Variants in TMEM266 observed in about 807,000 individuals in gnomAD.
TMEM266 encodes transmembrane protein 266.
A neutral mutation model predicts 50.5 loss-of-function variants in TMEM266; 33 were observed. The ratio of observed to expected loss-of-function variants is 0.65; its 90% CI spans 0.50 to 0.87. TMEM266 has a LOEUF of 0.87. TMEM266 is among the 40% of genes least tolerant of loss of function. The probability of loss-of-function intolerance (pLI) is 0.00; values close to 1 mark genes in which losing one functional copy is unlikely to be tolerated. For missense variants in TMEM266, 655 were observed against 695.1 expected (o/e 0.94, Z 0.65); for synonymous variants, 310 against 292.3 (o/e 1.06, Z -0.62).
At chr15:76,145,472 G>A (rs975913932) in intron 3 of TMEM266, among the ~76,000 whole-genome samples, 3 of 152,182 alleles carry the variant, frequency 2.0e-5, no homozygotes, top group Non-Finnish European at 4.4e-5. Context: ...GAGCAACAAA[G>A]AACTTTCCCA....
chr15:76,196,938 T>G (rs2038665338), intron 9 of TMEM266, among the ~76,000 whole-genome samples: 1 of 152,206 alleles, frequency 6.6e-6, no homozygotes, highest in Non-Finnish European at 1.5e-5. Context: ...TCTCCCAAAT[T>G]TATTAGTCTT....
chr15:76,114,571 T>A (rs1320005161), intron 1 of TMEM266, among the ~76,000 whole-genome samples: 2 of 152,202 alleles, frequency 1.3e-5, no homozygotes, highest in African/African-American at 4.8e-5. Context: ...CACTATATTG[T>A]TTTGTTTTGC....
chr15:76,091,407 G>A (rs549021356), intron 1 of TMEM266, among the ~76,000 whole-genome samples: 2 of 152,052 alleles, frequency 1.3e-5, no homozygotes, highest in East Asian at 3.9e-4. Context: ...TTTAAGGGCC[G>A]GGAGTGGTGG....
intron 1 of TMEM266, among the ~76,000 whole-genome samples, chr15:76,103,370 G>A (rs2037033624): frequency 6.6e-6 from 1 of 151,476 alleles, no homozygotes; most frequent in Non-Finnish European, 1.5e-5. Context: ...TCATGGTGGT[G>A]TGTGCCTGTA....
Position 76,139,610 on chromosome 15 carries a change from A to G in TMEM266, c.227+1715A>G, listed in dbSNP as rs866846972. On this transcript the variant is annotated intron_variant, in intron 3 of 10. Coordinates refer to ENST00000388942, the MANE Select transcript of TMEM266 (RefSeq NM_152335.3). The surrounding 1 kb of genome is among the most constrained non-coding windows in gnomAD (Gnocchi z 4.1). ...CCCACATTTTCACTGGGCTCTGCAA[A>G]TGATGTAGCTGGTGGGTCCTTCTCT... 6.6e-6 allele frequency among the ~76,000 whole-genome samples: 1 copy of G among 152,178 alleles called. No homozygotes were observed. The highest frequency in any genetic ancestry group is 2.4e-5 in the African/African-American group (1 of 41,442).
intron 1 of TMEM266, among the ~76,000 whole-genome samples, chr15:76,095,501 C>T (rs1301266557): frequency 6.6e-6 from 1 of 152,020 alleles, no homozygotes; most frequent in Admixed American, 6.6e-5. Context: ...TGATGTGCTG[C>T]TGGATTCAGT....
At chr15:76,115,082 G>C (rs1055832587) in intron 1 of TMEM266, among the ~76,000 whole-genome samples, 2 of 152,164 alleles carry the variant, frequency 1.3e-5, no homozygotes, top group African/African-American at 4.8e-5. Flanking sequence ...ACCAGCCTGG[G>C]CAACATAGTG....
chr15:76,106,111 C>T (rs2037075985), intron 1 of TMEM266, among the ~76,000 whole-genome samples: 1 of 152,146 alleles, frequency 6.6e-6, no homozygotes, highest in Non-Finnish European at 1.5e-5. Flanking sequence ...CTGTGTTCAT[C>T]CTCCCTCTGC....
chr15:76,190,722 A>G (rs1396490868), intron 8 of TMEM266, among the ~76,000 whole-genome samples: 2 of 152,090 alleles, frequency 1.3e-5, no homozygotes, highest in Non-Finnish European at 2.9e-5. Flanking sequence ...GACCAGATTG[A>G]TTTTGCAACT....
At position 76,201,043 on chromosome 15, in the gene TMEM266, T is replaced by A. The variant is rs188169399; in HGVS notation, c.959-1159T>A. ...TGACCCCATTCTTCAGAGAAGCTCC[T>A]GGGGGTGCAGACTCGGACTCTAGGG... is the stretch of plus-strand genomic sequence containing the variant. On this transcript the variant is annotated intron_variant, in intron 9 of 10. Transcript: ENST00000388942. Among the ~76,000 whole-genome samples the A allele has an allele frequency of 2.6e-4, 39 of 152,180 alleles. No homozygotes were observed. In the East Asian group the frequency reaches 5.4e-3, roughly 21 times the overall value.
At chr15:76,130,247 AAAAAAAAC>A (rs2037487240) in intron 1 of TMEM266, among the ~76,000 whole-genome samples, 3 of 93,490 alleles carry the variant, frequency 3.2e-5, no homozygotes, top group Non-Finnish European at 5.8e-5. Context: ...AAAAAAAAAA[AAAAAAAAC>A]CGCCGGGTGC....
intron 3 of TMEM266, among the ~76,000 whole-genome samples, chr15:76,152,589 C>T (rs2037861084): frequency 6.6e-6 from 1 of 152,190 alleles, no homozygotes; most frequent in Admixed American, 6.5e-5. Context: ...ACTGGAGGTA[C>T]TTCGGGGCTG....
chr15:76,159,391 C>T (rs1386779002), intron 4 of TMEM266, among the ~76,000 whole-genome samples: 2 of 152,244 alleles, frequency 1.3e-5, no homozygotes, highest in South Asian at 2.1e-4. Context: ...AAAGGTGGGG[C>T]GGGAACCCTC....
At chr15:76,200,342 C>T (rs1405869827) in intron 9 of TMEM266, among the ~76,000 whole-genome samples, 1 of 152,194 alleles carries the variant, frequency 6.6e-6, no homozygotes, top group African/African-American at 2.4e-5. Context: ...GAACCATCTG[C>T]CTGGCCCCAT....
At chr15:76,159,894 T>C (rs2037989931) in intron 4 of TMEM266, among the ~76,000 whole-genome samples, 1 of 152,100 alleles carries the variant, frequency 6.6e-6, no homozygotes, top group Non-Finnish European at 1.5e-5. Flanking sequence ...AACAGCATCG[T>C]TGGCTCCCAA....
chr15:76,115,241 CT>C (rs1292748151), intron 1 of TMEM266, among the ~76,000 whole-genome samples: 3 of 152,168 alleles, frequency 2.0e-5, no homozygotes, highest in African/African-American at 7.2e-5. Context: ...CCATCCAGAC[CT>C]TTCAGACGAT....
In TMEM266 at chr15:76,134,411, G is replaced by C. The variant is rs1167923829; in HGVS notation, c.38+110G>C. On this transcript the variant is annotated intron_variant, in intron 2 of 10. Coordinates refer to ENST00000388942, the MANE Select transcript of TMEM266 (RefSeq NM_152335.3). Reference sequence around the variant, plus strand: ...CCACTATGTACATTTCCTTTAGCAGGAGGCCACAGAAAATGGAGAAACCTT... The same window carrying C: ...CCACTATGTACATTTCCTTTAGCAGCAGGCCACAGAAAATGGAGAAACCTT... The C allele has an allele frequency of 2.6e-6, 3 of 1,136,130 alleles. No individual in the cohort carries two copies. In the East Asian group the frequency reaches 7.8e-5, roughly 30 times the overall value. 70.4% of individuals were successfully genotyped at this position (1,136,130 alleles called of 1,614,324 possible).
intron 1 of TMEM266, among the ~76,000 whole-genome samples, chr15:76,122,402 T>G (rs1414432901): frequency 6.6e-6 from 1 of 152,232 alleles, no homozygotes; most frequent in African/African-American, 2.4e-5. Context: ...GGGATCTTTT[T>G]TTTACAATCT....
intron 7 of TMEM266, 36 bp downstream of exon 7, chr15:76,171,167 G>A (rs754929420): frequency 3.7e-6 from 6 of 1,604,464 alleles, no homozygotes; most frequent in Non-Finnish European, 4.3e-6. Flanking sequence ...CAGTGGGGCT[G>A]CTCCAGAAAG....
Sources: gnomAD v4.1 joint callset for allele counts (sites outside exome capture counted in the v4.1 genomes callset) on GRCh38, gnomAD v4.1.1 for gene constraint, Gnocchi (gnomAD v3.1) non-coding constraint, MANE v1.5 for transcripts, NCBI Gene and HGNC (gene_info 2026-07-23, HGNC 2026-07-21) for gene names.